The following SLX4IP variants were observed in gnomAD, a reference collection of about 807,000 sequenced individuals.
The protein encoded by SLX4IP is SLX4 interacting protein, also known as protein SLX4IP.
A neutral mutation model predicts 32.9 loss-of-function variants in SLX4IP; 34 were observed. The ratio of observed to expected loss-of-function variants is 1.03; its 90% CI spans 0.79 to 1.38. The LOEUF is 1.38. SLX4IP is among the 40% of genes most tolerant of loss of function. SLX4IP has a pLI of 0.00. For missense variants in SLX4IP, 444 were observed against 479.0 expected (o/e 0.93, Z 0.68); for synonymous variants, 172 against 171.7 (o/e 1.00, Z -0.01).
chr20:10,623,330 T>C lies in SLX4IP; in HGVS notation c.1178T>C (p.Ile393Thr). ...LATNTERLSTIQNSPTKKRKK... is the reference protein window; with the variant it reads ...LATNTERLSTTQNSPTKKRKK... ...ACAAACACTGAAAGATTATCTACAATTCAGAACAGCCCAACCAAGAAAAGA... is the reference window on the plus strand; with the variant it reads ...ACAAACACTGAAAGATTATCTACAACTCAGAACAGCCCAACCAAGAAAAGA... Residue 393 changes from isoleucine (I) to threonine (T), a missense_variant, in exon 8 of 8, where the codon ATT becomes ACT. Physicochemically the swap from Ile to Thr is moderately conservative, Grantham distance 89 (BLOSUM62 -1). Coordinates refer to ENST00000334534, the MANE Select transcript of SLX4IP (RefSeq NM_001009608.3). The C allele has an allele frequency of 1.2e-6, 2 of 1,613,922 alleles. No homozygotes were observed. Among genetic ancestry groups the C allele is most frequent in the Non-Finnish European group, 1.7e-6 (2 of 1,180,004 alleles).
At chr20:10,482,588 C>G (rs565525609) in intron 2 of SLX4IP, among the ~76,000 whole-genome samples, 2 of 152,210 alleles carry the variant, frequency 1.3e-5, no homozygotes, top group South Asian at 4.2e-4. Context: ...TGAGGTTGTA[C>G]TAGAGGTACT....
intron 2 of SLX4IP, among the ~76,000 whole-genome samples, chr20:10,476,947 C>A (rs2065479509): frequency 6.6e-6 from 1 of 152,190 alleles, no homozygotes; most frequent in Non-Finnish European, 1.5e-5. Flanking sequence ...AATGCTTTTG[C>A]AGTTAAGCTA....
chr20:10,598,758 A>C lies in SLX4IP; in HGVS notation c.316+6A>C. 1 of 1,613,836 alleles carries C rather than the reference A, an allele frequency of 6.2e-7. No individual in the cohort carries two copies. Among genetic ancestry groups the C allele is most frequent in the Non-Finnish European group, 8.5e-7 (1 of 1,179,752 alleles). ...CAGGAGCACACAGAATGCTGGTAAG[A>C]AGCCGATTTCTTGGTTTGTCAGACA... is the stretch of plus-strand genomic sequence containing the variant. On this transcript the variant is annotated splice_donor_region_variant and intron_variant, in intron 5 of 7. Coordinates refer to ENST00000334534, the MANE Select transcript of SLX4IP (RefSeq NM_001009608.3).
At chr20:10,556,196 G>C (rs752832893) in intron 2 of SLX4IP, 35 bp from the exon 3 acceptor site, 2 of 1,585,510 alleles carry the variant, frequency 1.3e-6, no homozygotes, top group Non-Finnish European at 8.6e-7. Flanking sequence ...GGCATGAGCC[G>C]CACAGACACT....
Position 10,455,067 on chromosome 20 carries a change from T to C in SLX4IP, c.-29-3109T>C, listed in dbSNP as rs113985878. On this transcript the variant is annotated intron_variant, in intron 1 of 7. Transcript: ENST00000334534. Reference sequence around the variant, plus strand: ...TCTTTGAAGGAATGTCTATTCAAATTCTTTGCTTATTTTTAAATTATTTGT... The same window carrying C: ...TCTTTGAAGGAATGTCTATTCAAATCCTTTGCTTATTTTTAAATTATTTGT... Among the ~76,000 whole-genome samples the C allele has an allele frequency of 8.4e-3, 1,277 of 152,346 alleles. 17 individuals carry two copies. The highest frequency in any genetic ancestry group is 0.029 in the African/African-American group (1,220 of 41,578).
chr20:10,554,129 C>A (rs912398157), intron 2 of SLX4IP, among the ~76,000 whole-genome samples: 4 of 152,166 alleles, frequency 2.6e-5, no homozygotes, highest in Non-Finnish European at 5.9e-5. Context: ...AGTTTTTTAC[C>A]CCCCTGGGAA....
At chr20:10,604,922 G>A (rs1165516712) in intron 6 of SLX4IP, among the ~76,000 whole-genome samples, 1 of 152,120 alleles carries the variant, frequency 6.6e-6, no homozygotes, top group Non-Finnish European at 1.5e-5. Context: ...TCTTTTGAGA[G>A]TTTTTACCTT....
At chr20:10,441,975 C>T (rs186478931) in intron 1 of SLX4IP, among the ~76,000 whole-genome samples, 92 of 152,264 alleles carry the variant, frequency 6.0e-4, no homozygotes, top group African/African-American at 2.1e-3. Context: ...AATGATTTCT[C>T]ATTCTTGAAT....
chr20:10,455,149 A>G (rs1162493982), intron 1 of SLX4IP, among the ~76,000 whole-genome samples: 1 of 152,132 alleles, frequency 6.6e-6, no homozygotes, highest in African/African-American at 2.4e-5. Context: ...CATCAGATGT[A>G]TGATTTGCAG....
chr20:10,600,408 A>G (rs2066828092), intron 5 of SLX4IP, among the ~76,000 whole-genome samples: 1 of 152,148 alleles, frequency 6.6e-6, no homozygotes, highest in African/African-American at 2.4e-5. Flanking sequence ...TTTGAGCAGG[A>G]TGAGTGGAGC....
chr20:10,487,517 C>T (rs2065585284), intron 2 of SLX4IP, among the ~76,000 whole-genome samples: 1 of 152,166 alleles, frequency 6.6e-6, no homozygotes, highest in African/African-American at 2.4e-5. Flanking sequence ...AGTTAGGTTG[C>T]TGCAAAGTGC....
At chr20:10,605,032 T>A (rs778185911) in intron 6 of SLX4IP, among the ~76,000 whole-genome samples, 8 of 152,224 alleles carry the variant, frequency 5.3e-5, no homozygotes, top group Non-Finnish European at 1.0e-4. Flanking sequence ...CCAACAATAT[T>A]TTCTTATTTA....
At chr20:10,467,995 AGCTCTGGCTTC>A (rs201515609) in intron 2 of SLX4IP, among the ~76,000 whole-genome samples, 1,731 of 152,294 alleles carry the variant, frequency 0.011, 31 homozygotes, top group Non-Finnish European at 0.012. Flanking sequence ...GTGTAAATAC[AGCTCTGGCTTC>A]TTATCCTCCT....
chr20:10,613,791 T>C, intron 6 of SLX4IP: 1 of 1,613,568 alleles, frequency 6.2e-7, no homozygotes, highest in Non-Finnish European at 8.5e-7. Context: ...CTCCATGATC[T>C]GATCCATGTC....
chr20:10,552,414 T>A (rs898820631), intron 2 of SLX4IP, among the ~76,000 whole-genome samples: 1 of 152,028 alleles, frequency 6.6e-6, no homozygotes, highest in Admixed American at 6.5e-5. Flanking sequence ...TTTTCTTTTT[T>A]TTTTTCACTT....
intron 1 of SLX4IP, among the ~76,000 whole-genome samples, chr20:10,450,814 C>T (rs1395548906): frequency 3.3e-5 from 5 of 151,948 alleles, no homozygotes; most frequent in African/African-American, 1.2e-4. Flanking sequence ...GACAATGGTG[C>T]GATCTCGGCT....
chr20:10,463,001 C>T (rs2065350838), intron 2 of SLX4IP, among the ~76,000 whole-genome samples: 1 of 152,166 alleles, frequency 6.6e-6, no homozygotes, highest in Non-Finnish European at 1.5e-5. Flanking sequence ...AGAAGATTTG[C>T]TTGAGCCCAG....
chr20:10,465,410 G>A (rs2065372232), intron 2 of SLX4IP, among the ~76,000 whole-genome samples: 1 of 152,150 alleles, frequency 6.6e-6, no homozygotes, highest in Non-Finnish European at 1.5e-5. Flanking sequence ...TTGAGTAGTT[G>A]AAACAAAGAC....
Position 10,624,585 on chromosome 20 carries a change from GGGT to G in SLX4IP, c.*1210_*1212del, listed in dbSNP as rs1307001545. On this transcript the variant is annotated 3_prime_UTR_variant, in exon 8 of 8. Coordinates refer to ENST00000334534, the MANE Select transcript of SLX4IP (RefSeq NM_001009608.3). ...CTTTTTTTTTTTTCTGTTCAACATGGGGTGGTCCTTTGAAATGGCACCTCCCCT... is the reference window on the plus strand; with the variant it reads ...CTTTTTTTTTTTTCTGTTCAACATGGGGTCCTTTGAAATGGCACCTCCCCT... The G allele has an allele frequency of 6.6e-6, 1 of 151,652 alleles. No homozygotes were observed. The highest frequency in any genetic ancestry group is 6.6e-5 in the Admixed American group (1 of 15,230). The allele number at this position is 151,652 out of a possible 1,614,324, so 9.4% of individuals were successfully genotyped here.
Sources: gnomAD v4.1 joint callset for allele counts (sites outside exome capture counted in the v4.1 genomes callset) on GRCh38, gnomAD v4.1.1 for gene constraint, MANE v1.5 for transcripts, NCBI Gene and HGNC (gene_info 2026-07-23, HGNC 2026-07-21) for gene names.